Variants in HECW2 observed in about 807,000 individuals in gnomAD.
HECW2 encodes E3 ubiquitin-protein ligase HECW2.
Under a neutral mutation model 175.2 loss-of-function variants are expected in HECW2, and 61 were observed. The observed-to-expected ratio is 0.35, with a 90% confidence interval of 0.28 to 0.43. HECW2 has a LOEUF of 0.43. Ranked by LOEUF, HECW2 falls within the 20% of genes least tolerant of loss-of-function variation. HECW2 has a pLI of 1.00. For synonymous variants in HECW2, 671 were observed against 731.0 expected (o/e 0.92, Z 1.32); for missense variants, 1,524 against 2,000.5 (o/e 0.76, Z 4.54).
At chr2:196,328,911 A>T (rs969614600) in intron 5 of HECW2, among the ~76,000 whole-genome samples, 3 of 152,124 alleles carry the variant, frequency 2.0e-5, no homozygotes, top group Non-Finnish European at 2.9e-5. Context: ...AAATATAGGG[A>T]TGTATATTAT....
At chr2:196,534,514 G>C (rs190598112) in intron 1 of HECW2, among the ~76,000 whole-genome samples, 2 of 152,302 alleles carry the variant, frequency 1.3e-5, no homozygotes, top group African/African-American at 4.8e-5. Context: ...TTCAGCCTCA[G>C]AAATGAGAAC....
intron 28 of HECW2, among the ~76,000 whole-genome samples, chr2:196,208,338 T>G (rs1687142749): frequency 6.6e-6 from 1 of 152,238 alleles, no homozygotes; most frequent in African/African-American, 2.4e-5. Flanking sequence ...ATTTCTTGTC[T>G]GGAGTGGTCC....
chr2:196,221,881 A>T (rs931916404), intron 24 of HECW2, among the ~76,000 whole-genome samples: 5 of 152,196 alleles, frequency 3.3e-5, no homozygotes, highest in Admixed American at 1.3e-4. Context: ...AATGCCAATT[A>T]AAAAATTCTG....
intron 27 of HECW2, among the ~76,000 whole-genome samples, chr2:196,216,181 T>G (rs1687468518): frequency 6.6e-6 from 1 of 152,016 alleles, no homozygotes; most frequent in Non-Finnish European, 1.5e-5. Flanking sequence ...CTGTGCATGA[T>G]AAAGGGAAAG....
chr2:196,539,263 C>A (rs1042348522), intron 1 of HECW2, among the ~76,000 whole-genome samples: 6 of 152,184 alleles, frequency 3.9e-5, no homozygotes, highest in African/African-American at 1.2e-4. Context: ...TCCCATCCTT[C>A]CTCACAGGAA....
chr2:196,430,279 A>G (rs2125264830), intron 2 of HECW2, among the ~76,000 whole-genome samples: 1 of 152,338 alleles, frequency 6.6e-6, no homozygotes, highest in East Asian at 1.9e-4. Flanking sequence ...ATACAAGCTC[A>G]AAGAAATAAA....
intron 17 of HECW2, among the ~76,000 whole-genome samples, chr2:196,261,559 G>A (rs1689294687): frequency 6.6e-6 from 1 of 152,190 alleles, no homozygotes; most frequent in African/African-American, 2.4e-5. Context: ...GGCCAGAGAT[G>A]CAAAAAATCA....
intron 1 of HECW2, among the ~76,000 whole-genome samples, chr2:196,469,488 C>A (rs932626637): frequency 6.6e-6 from 1 of 151,576 alleles, no homozygotes; most frequent in African/African-American, 2.4e-5. Context: ...TTCACAGGTG[C>A]TAAATATCTC....
chr2:196,495,317 C>T (rs1170192128), intron 1 of HECW2, among the ~76,000 whole-genome samples: 3 of 152,156 alleles, frequency 2.0e-5, no homozygotes, highest in Admixed American at 1.3e-4. Flanking sequence ...CTGTCCACCT[C>T]GGCCTCCCAA....
intron 3 of HECW2, among the ~76,000 whole-genome samples, chr2:196,338,375 T>C (rs962038865): frequency 1.2e-4 from 19 of 152,202 alleles, no homozygotes; most frequent in Admixed American, 7.2e-4. Flanking sequence ...AAACTGGCAA[T>C]TGGACATGAA....
intron 28 of HECW2, among the ~76,000 whole-genome samples, chr2:196,202,543 A>G (rs1686897677): frequency 6.6e-6 from 1 of 152,198 alleles, no homozygotes; most frequent in Non-Finnish European, 1.5e-5. Flanking sequence ...GAAATAACAG[A>G]AACATGCTTA....
At chr2:196,387,105 T>C (rs1694372111) in intron 2 of HECW2, among the ~76,000 whole-genome samples, 1 of 152,282 alleles carries the variant, frequency 6.6e-6, no homozygotes, top group Non-Finnish European at 1.5e-5. Flanking sequence ...AATTTACATA[T>C]TAAACTTACT....
At position 196,480,593 on chromosome 2, in the gene HECW2, A is replaced by G. The variant is rs576949639; in HGVS notation, c.-35-47135T>C. Among the ~76,000 whole-genome samples, 3 of 152,346 alleles carry G rather than the reference A, an allele frequency of 2.0e-5. No individual in the cohort carries two copies. In the South Asian group the frequency reaches 6.2e-4, roughly 32 times the overall value. ...AGAACTCAGTCCGTGAGTTTTCTTC[A>G]AGAACTGGGAAGAGCACTGAATAGG... On this transcript the variant is annotated intron_variant, in intron 1 of 28. Transcript: ENST00000644978.
intron 28 of HECW2, among the ~76,000 whole-genome samples, chr2:196,210,645 A>C (rs1043785829): frequency 6.6e-6 from 1 of 151,670 alleles, no homozygotes; most frequent in Non-Finnish European, 1.5e-5. Context: ...ATGGAGTCTC[A>C]CTCTGTCACC....
intron 1 of HECW2, among the ~76,000 whole-genome samples, chr2:196,465,715 T>C (rs1553520336): frequency 6.7e-6 from 1 of 149,870 alleles, no homozygotes; most frequent in Non-Finnish European, 1.5e-5. Flanking sequence ...TACGTGGCCG[T>C]TCTGGACACG....
chr2:196,245,519 G>C (rs931406771), intron 19 of HECW2, among the ~76,000 whole-genome samples: 12 of 152,142 alleles, frequency 7.9e-5, no homozygotes, highest in Non-Finnish European at 1.6e-4. Context: ...AAAAATACAG[G>C]GCTGGAATTG....
intron 27 of HECW2, 136 bp downstream of exon 27, chr2:196,216,872 T>G: frequency 1.7e-6 from 1 of 576,578 alleles, no homozygotes; most frequent in Non-Finnish European, 2.9e-6. Flanking sequence ...CAATCAGGAG[T>G]CTGGAAATGG....
intron 2 of HECW2, 25 bp from the exon 3 acceptor site, chr2:196,343,789 T>G (rs753759108): frequency 7.2e-7 from 1 of 1,393,112 alleles, no homozygotes; most frequent in African/African-American, 1.4e-5. Context: ...GAAACACTTT[T>G]CAGATTAATT....
intron 1 of HECW2, among the ~76,000 whole-genome samples, chr2:196,591,644 C>T (rs1207758632): frequency 6.6e-6 from 1 of 152,144 alleles, no homozygotes; most frequent in African/African-American, 2.4e-5. Flanking sequence ...CCACCCCACC[C>T]TACCCCACCT....
Sources: allele counts gnomAD v4.1 joint callset (sites outside exome capture counted in the v4.1 genomes callset), GRCh38; gene constraint gnomAD v4.1.1; transcripts MANE v1.5; gene names NCBI Gene and HGNC (gene_info 2026-07-23, HGNC 2026-07-21).